The following SRRM4 variants were observed in gnomAD, a reference collection of about 807,000 sequenced individuals.
SRRM4 encodes the protein serine/arginine repetitive matrix 4, also known as serine/arginine repetitive matrix protein 4.
SRRM4 carries 33 observed loss-of-function variants against 68.9 expected under a neutral mutation model. The ratio of observed to expected loss-of-function variants is 0.48; its 90% CI spans 0.36 to 0.64. The LOEUF (loss-of-function observed/expected upper bound fraction) is 0.64. Among genes scored for constraint, SRRM4 ranks in the 30% least tolerant of loss-of-function variants. The pLI, the probability that SRRM4 is intolerant of heterozygous loss-of-function variation, is 0.00. For synonymous variants in SRRM4, 318 were observed against 318.8 expected, an observed-to-expected ratio of 1.00 and a Z score of 0.03; for missense variants, 817 against 827.1, an observed-to-expected ratio of 0.99 and a Z score of 0.15.
chr12:118,983,513 GT>G (rs1196995219), intron 1 of SRRM4, among the ~76,000 whole-genome samples: 1 of 152,192 alleles, frequency 6.6e-6, no homozygotes, highest in Non-Finnish European at 1.5e-5. Context: ...ATCTTCCTGG[GT>G]TTCTGCTATC....
At chr12:119,031,128 C>T (rs1377429876) in intron 1 of SRRM4, 2 of 152,166 alleles carry the variant, frequency 1.3e-5, no homozygotes, top group Non-Finnish European at 2.9e-5. Flanking sequence ...TCTTAGGGCT[C>T]CAACCTAGGT....
At chr12:119,014,805 T>C (rs1480883047) in intron 1 of SRRM4, among the ~76,000 whole-genome samples, 1 of 152,128 alleles carries the variant, frequency 6.6e-6, no homozygotes. Flanking sequence ...CCTGAAACCA[T>C]GGGAATATCT....
At chr12:119,137,854 T>C (rs146309431) in intron 8 of SRRM4, among the ~76,000 whole-genome samples, 18 of 152,260 alleles carry the variant, frequency 1.2e-4, no homozygotes, top group African/African-American at 4.3e-4. Context: ...TCCTGGTTCC[T>C]TTCATTGACA....
intron 1 of SRRM4, among the ~76,000 whole-genome samples, chr12:119,090,170 G>A (rs1345936637): frequency 6.6e-6 from 1 of 152,044 alleles, no homozygotes; most frequent in Non-Finnish European, 1.5e-5. Flanking sequence ...GTGATCTTGG[G>A]GGAGTCACTT....
chr12:119,147,604 T>A (rs1954412255), intron 9 of SRRM4, among the ~76,000 whole-genome samples: 1 of 152,174 alleles, frequency 6.6e-6, no homozygotes. Flanking sequence ...TTCCATTCAA[T>A]CATGCTATGA....
chr12:119,139,374 C>G (rs540492972), intron 8 of SRRM4, among the ~76,000 whole-genome samples: 1 of 152,288 alleles, frequency 6.6e-6, no homozygotes, highest in African/African-American at 2.4e-5. Context: ...ATCTTCTTTC[C>G]TCCTCTTCTT....
chr12:119,000,959 AC>A (rs1953379968), intron 1 of SRRM4: 1 of 152,300 alleles, frequency 6.6e-6, no homozygotes, highest in African/African-American at 2.4e-5. Context: ...GGCTGCACAC[AC>A]CATTTGGGCT....
rs57550768 is a variant in SRRM4, at chr12:119,158,967, TTGTGTGTGTGTGTGTGTGTGTGTG to T, written c.*2197_*2220del. ...TGAATTATTTATTTATACAGAGGTT[TTGTGTGTGTGTGTGTGTGTGTGTG>T]TGTGTGTGTGTGTGTGTGTGTGTGT... is the stretch of plus-strand genomic sequence containing the variant. On this transcript the variant is annotated 3_prime_UTR_variant, in exon 13 of 13. Transcript: ENST00000267260. 13 of 137,216 alleles carry T rather than the reference TTGTGTGTGTGTGTGTGTGTGTGTG, an allele frequency of 9.5e-5. No individual in the cohort carries two copies. The highest frequency in any genetic ancestry group is 4.3e-4 in the East Asian group (2 of 4,648). 8.5% of individuals were successfully genotyped at this position (137,216 alleles called of 1,614,324 possible). A position where few individuals can be genotyped will look rare whatever the true frequency, so the allele number is the denominator to read the frequency against.
At chr12:119,078,459 T>A (rs1360513574) in intron 1 of SRRM4, among the ~76,000 whole-genome samples, 2 of 152,152 alleles carry the variant, frequency 1.3e-5, no homozygotes, top group Non-Finnish European at 2.9e-5. Context: ...GCTGCACATA[T>A]CCTTAAAGGG....
At position 119,132,075 on chromosome 12, in the gene SRRM4, C is replaced by T. The variant is rs192982286; in HGVS notation, c.771+1241C>T. ...CAGCATAACCAAGGTCTAATTTTAC[C>T]CAAATCCTCTGCCTACCTGGAACCA... On this transcript the variant is annotated intron_variant, in intron 8 of 12. Transcript: ENST00000267260. Among the ~76,000 whole-genome samples, 5 of 152,236 alleles carry T rather than the reference C, an allele frequency of 3.3e-5. No individual in the cohort carries two copies. In the East Asian group the frequency reaches 9.7e-4, roughly 29 times the overall value.
At chr12:119,009,818 T>C (rs1953437636) in intron 1 of SRRM4, among the ~76,000 whole-genome samples, 1 of 152,162 alleles carries the variant, frequency 6.6e-6, no homozygotes, top group Non-Finnish European at 1.5e-5. Context: ...GGGAACCAAC[T>C]AACTACAAAA....
chr12:118,989,197 GT>G (rs11287190), intron 1 of SRRM4, among the ~76,000 whole-genome samples: 105,490 of 151,886 alleles, frequency 0.69, 37,939 homozygotes, highest in Middle Eastern at 0.88. Context: ...ATCTGCTTCT[GT>G]TTGACTCCTC....
chr12:119,081,631 A>G (rs1447441852), intron 1 of SRRM4, among the ~76,000 whole-genome samples: 1 of 152,234 alleles, frequency 6.6e-6, no homozygotes, highest in Non-Finnish European at 1.5e-5. Context: ...GCTTAATTTG[A>G]GTAGGATCCC....
At chr12:119,136,608 G>T (rs1954329940) in intron 8 of SRRM4, among the ~76,000 whole-genome samples, 1 of 152,180 alleles carries the variant, frequency 6.6e-6, no homozygotes, top group Non-Finnish European at 1.5e-5. Context: ...AAGTAGGAAA[G>T]ACACGACCTT....
At chr12:119,017,237 G>T (rs920885042) in intron 1 of SRRM4, among the ~76,000 whole-genome samples, 1 of 152,324 alleles carries the variant, frequency 6.6e-6, no homozygotes, top group African/African-American at 2.4e-5. Flanking sequence ...CCCATCAAGT[G>T]CATCGTGGTA....
At chr12:119,139,861 A>C (rs1330752760) in intron 8 of SRRM4, among the ~76,000 whole-genome samples, 1 of 145,550 alleles carries the variant, frequency 6.9e-6, no homozygotes, top group African/African-American at 2.5e-5. Context: ...CTTGACCCAT[A>C]AGGAGCACCT....
intron 1 of SRRM4, among the ~76,000 whole-genome samples, chr12:118,982,688 T>TG (rs1337977747): frequency 2.8e-5 from 4 of 141,786 alleles, no homozygotes; most frequent in South Asian, 2.2e-4. Flanking sequence ...TGTTTTTTTT[T>TG]TTTTTTTCCA....
At chr12:119,059,837 T>A (rs369393330) in intron 1 of SRRM4, among the ~76,000 whole-genome samples, 1 of 152,250 alleles carries the variant, frequency 6.6e-6, no homozygotes, top group South Asian at 2.1e-4. Context: ...GGACTATCTA[T>A]CCCTCAAGCA....
At chr12:119,137,779 C>G (rs562993597) in intron 8 of SRRM4, among the ~76,000 whole-genome samples, 6 of 151,994 alleles carry the variant, frequency 3.9e-5, no homozygotes, top group Non-Finnish European at 8.8e-5. Flanking sequence ...GATTGACTAC[C>G]CTGACCCAGA....
Sources: allele counts gnomAD v4.1 joint callset (sites outside exome capture counted in the v4.1 genomes callset), GRCh38; gene constraint gnomAD v4.1.1; transcripts MANE v1.5; gene names NCBI Gene and HGNC (gene_info 2026-07-23, HGNC 2026-07-21).